PAQR5: variants seen among roughly 807,000 people sequenced by gnomAD.
PAQR5 encodes the protein membrane progestin receptor gamma.
PAQR5 carries 20 observed loss-of-function variants against 34.5 expected under a neutral mutation model. The ratio of observed to expected loss-of-function variants is 0.58; its 90% CI spans 0.41 to 0.84. The LOEUF (loss-of-function observed/expected upper bound fraction) is 0.84. PAQR5 is among the 40% of genes least tolerant of loss of function. The probability of loss-of-function intolerance (pLI) is 0.00; values close to 1 mark genes in which losing one functional copy is unlikely to be tolerated. For missense variants in PAQR5, 378 were observed against 412.7 expected (o/e 0.92, Z 0.73); for synonymous variants, 131 against 155.6 (o/e 0.84, Z 1.18).
At chr15:69,305,432 G>A (rs2053692873) in intron 1 of PAQR5, among the ~76,000 whole-genome samples, 1 of 152,072 alleles carries the variant, frequency 6.6e-6, no homozygotes, top group Non-Finnish European at 1.5e-5. Flanking sequence ...TATGGGTGGA[G>A]GGGCCCCTTG....
Position 69,322,757 on chromosome 15 carries a change from A to AGATGAG in PAQR5, c.-276-14582_-276-14581insTGAGGA, listed in dbSNP as rs1566997858. 3.9e-4 allele frequency among the ~76,000 whole-genome samples: 11 copies of AGATGAG among 28,352 alleles called. 2 individuals carry two copies. The highest frequency in any genetic ancestry group is 1.9e-3 in the South Asian group (1 of 514). 18.6% of individuals were successfully genotyped at this position (28,352 alleles called of 152,430 possible). ...AAGAAGAAGAAGAAGAAGAAGAAGA[A>AGATGAG]GAAGAAGAAGAAGAGGGAGAAGAAG... is the stretch of plus-strand genomic sequence containing the variant. On this transcript the variant is annotated intron_variant, in intron 1 of 8. Transcript: ENST00000395407.
At chr15:69,303,985 G>T (rs531984782) in intron 1 of PAQR5, among the ~76,000 whole-genome samples, 3 of 152,318 alleles carry the variant, frequency 2.0e-5, no homozygotes, top group East Asian at 1.9e-4. Context: ...GCTGGGGGAA[G>T]GACTCCAGAA....
rs368646324 is a variant in PAQR5, at chr15:69,360,039, G to C, written c.-42G>C. On this transcript the variant is annotated 5_prime_UTR_variant, in exon 3 of 9. Coordinates refer to ENST00000395407, the MANE Select transcript of PAQR5 (RefSeq NM_017705.4). The stretch of plus-strand genomic sequence containing the variant: ...AGCTTTGAGTGAGGCCTGGTAACAG[G>C]GAGGCGCTGTCACCTACTGGCCTTG... 1 of 1,540,770 alleles carries C rather than the reference G, an allele frequency of 6.5e-7. No homozygotes were observed. Among genetic ancestry groups the C allele is most frequent in the Non-Finnish European group, 9.0e-7 (1 of 1,113,834 alleles).
At chr15:69,368,062 C>CT (rs5813535) in intron 3 of PAQR5, among the ~76,000 whole-genome samples, 139,323 of 148,532 alleles carry the variant, frequency 0.94, 65,539 homozygotes, top group East Asian at 1. Context: ...AGGCTTTCTG[C>CT]TTTTTTTTTT....
At chr15:69,397,391 T>C (rs751816652) in intron 6 of PAQR5, 77 bp from the exon 7 acceptor site, 1 of 909,046 alleles carries the variant, frequency 1.1e-6, no homozygotes, top group East Asian at 2.4e-5. Context: ...AGGCCCTCGG[T>C]GTGCATGCAT....
At chr15:69,320,518 G>A (rs1001908600) in intron 1 of PAQR5, among the ~76,000 whole-genome samples, 1 of 152,096 alleles carries the variant, frequency 6.6e-6, no homozygotes, top group Non-Finnish European at 1.5e-5. Context: ...CACCAGGGCC[G>A]ATAATATGCA....
chr15:69,323,592 G>A (rs1248325499), intron 1 of PAQR5, among the ~76,000 whole-genome samples: 1 of 152,166 alleles, frequency 6.6e-6, no homozygotes, highest in Non-Finnish European at 1.5e-5. Flanking sequence ...TTTAAGACCT[G>A]CCAAGAGTTA....
At chr15:69,386,435 G>C (rs1304578070) in intron 5 of PAQR5, among the ~76,000 whole-genome samples, 5 of 152,246 alleles carry the variant, frequency 3.3e-5, no homozygotes, top group Admixed American at 6.5e-5. Context: ...CTCAGGCTTT[G>C]ATGGGTTTGC....
At chr15:69,337,235 C>T (rs995539800) in intron 1 of PAQR5, 106 bp from the exon 2 acceptor site, 2 of 152,186 alleles carry the variant, frequency 1.3e-5, no homozygotes, top group East Asian at 3.8e-4. Context: ...TTGTTTCTCT[C>T]TACCTGATTG....
chr15:69,302,228 G>T (rs1404926763), intron 1 of PAQR5, among the ~76,000 whole-genome samples: 4 of 151,916 alleles, frequency 2.6e-5, no homozygotes, highest in African/African-American at 9.7e-5. Context: ...ATGCACCACC[G>T]TGCCCAGCTA....
chr15:69,307,529 C>G (rs2053745135), intron 1 of PAQR5, among the ~76,000 whole-genome samples: 2 of 152,044 alleles, frequency 1.3e-5, no homozygotes. Flanking sequence ...GGTGTTCGTG[C>G]CTGGGGCTGG....
At chr15:69,397,063 AG>A (rs1403171084) in intron 6 of PAQR5, 5 of 409,456 alleles carry the variant, frequency 1.2e-5, no homozygotes, top group Non-Finnish European at 2.4e-5. Context: ...CAGCCTCTGC[AG>A]AGTGTGCCCC....
intron 2 of PAQR5, among the ~76,000 whole-genome samples, chr15:69,340,802 T>C (rs967776435): frequency 6.6e-6 from 1 of 152,204 alleles, no homozygotes; most frequent in Admixed American, 6.5e-5. Context: ...GGTTCTCAGA[T>C]ATAAAATAGG....
In PAQR5 at chr15:69,407,563, G is replaced by A. The variant is rs2140291776; in HGVS notation, c.*3741G>A. The A allele has an allele frequency of 2.0e-5, 3 of 152,298 alleles. No individual in the cohort carries two copies. In the South Asian group the frequency reaches 6.2e-4, roughly 32 times the overall value. 9.4% of individuals were successfully genotyped at this position (152,298 alleles called of 1,614,324 possible). On this transcript the variant is annotated 3_prime_UTR_variant, in exon 9 of 9. Coordinates refer to ENST00000395407, the MANE Select transcript of PAQR5 (RefSeq NM_017705.4). ...CAAAGACCTGTTTCCAAACTCAGAT[G>A]TTCTCCAACTTACACTAATGTCTGG...
At chr15:69,397,103 A>ATTCCCCCCCCCCC in intron 6 of PAQR5, 2 of 386,616 alleles carry the variant, frequency 5.2e-6, no homozygotes, top group Non-Finnish European at 1.1e-5. Context: ...GGATCCCCCG[A>ATTCCCCCCCCCCC]TTCCCCCTAC....
chr15:69,371,930 C>T (rs1438469875), intron 3 of PAQR5, among the ~76,000 whole-genome samples: 4 of 152,126 alleles, frequency 2.6e-5, no homozygotes, highest in South Asian at 2.1e-4. Flanking sequence ...TTCTTCTCAT[C>T]GTCCTATATC....
At chr15:69,322,091 G>A (rs1335112580) in intron 1 of PAQR5, among the ~76,000 whole-genome samples, 1 of 138,590 alleles carries the variant, frequency 7.2e-6, no homozygotes, top group Non-Finnish European at 1.5e-5. Flanking sequence ...TGTAATCCCA[G>A]CACTTTTGGA....
intron 1 of PAQR5, among the ~76,000 whole-genome samples, chr15:69,306,319 T>C (rs190559038): frequency 2.1e-4 from 31 of 147,678 alleles, no homozygotes; most frequent in Admixed American, 4.2e-4. Flanking sequence ...GTTATTGCAG[T>C]AAAACATACA....
At chr15:69,348,145 G>A (rs977961417) in intron 2 of PAQR5, among the ~76,000 whole-genome samples, 2 of 151,652 alleles carry the variant, frequency 1.3e-5, no homozygotes, top group African/African-American at 4.8e-5. Context: ...GTGATCTCGG[G>A]CAAGGTCCCT....
Sources: gnomAD v4.1 joint callset for allele counts (sites outside exome capture counted in the v4.1 genomes callset) on GRCh38, gnomAD v4.1.1 for gene constraint, MANE v1.5 for transcripts, NCBI Gene and HGNC (gene_info 2026-07-23, HGNC 2026-07-21) for gene names.